The following ELF4 variants were observed in gnomAD, a reference collection of about 807,000 sequenced individuals.
ELF4 encodes the protein E74 like ETS transcription factor 4.
ELF4 carries 10 observed loss-of-function variants against 31.7 expected under a neutral mutation model. The observed-to-expected ratio is 0.32, with a 90% CI of 0.19 to 0.54. The LOEUF is 0.54. ELF4 is among the 20% of genes least tolerant of loss of function. The pLI, the probability that ELF4 is intolerant of heterozygous loss-of-function variation, is 0.95. For synonymous variants in ELF4, 208 were observed against 226.7 expected, an observed-to-expected ratio of 0.92 and a Z score of 0.74; for missense variants, 418 against 522.0, an observed-to-expected ratio of 0.80 and a Z score of 1.94.
At chrX:130,081,190 CCTGGCTGT>C in intron 2 of ELF4, 58 bp downstream of exon 2, 1 of 1,161,490 alleles carries the variant, frequency 8.6e-7, no homozygotes, top group East Asian at 3.0e-5. Flanking sequence ...TGGCTGTCTG[CCTGGCTGT>C]CTGTGTCTAT....
chrX:130,070,771 C>CAA (rs748643492), intron 7 of ELF4, among the ~76,000 whole-genome samples: 630 of 23,989 alleles, frequency 0.026, 18 homozygotes, highest in African/African-American at 0.044. Flanking sequence ...GACTCCATCT[C>CAA]AAAAAAAAAA....
chrX:130,086,076 A>G (rs189314500), intron 1 of ELF4, among the ~76,000 whole-genome samples: 1,199 of 111,960 alleles, frequency 0.011, 10 homozygotes, highest in South Asian at 0.025. Flanking sequence ...CTGGACTCCA[A>G]TGAGTGAGCT....
intron 1 of ELF4, among the ~76,000 whole-genome samples, chrX:130,104,318 A>ACC (rs35941457): frequency 3.8e-5 from 4 of 105,301 alleles, no homozygotes; most frequent in Non-Finnish European, 5.9e-5. Context: ...ACACACACAC[A>ACC]CCTTCTATTA....
chrX:130,097,169 G>A (rs979754720), intron 1 of ELF4, among the ~76,000 whole-genome samples: 8 of 106,812 alleles, frequency 7.5e-5, no homozygotes, highest in East Asian at 5.8e-4. Context: ...CGGGTGCGGC[G>A]GCTCACACCT....
At chrX:130,075,536 A>T (rs1239644067) in intron 2 of ELF4, among the ~76,000 whole-genome samples, 1 of 111,779 alleles carries the variant, frequency 8.9e-6, no homozygotes, top group Non-Finnish European at 1.9e-5. Flanking sequence ...TCGGCCTCCC[A>T]AAGTGCTGGG....
intron 1 of ELF4, among the ~76,000 whole-genome samples, chrX:130,089,509 CAA>C (rs777456574): frequency 5.1e-5 from 1 of 19,459 alleles, no homozygotes; most frequent in Non-Finnish European, 7.5e-5. Flanking sequence ...GACCTCAGCT[CAA>C]AAAAAAAAAA....
intron 2 of ELF4, among the ~76,000 whole-genome samples, chrX:130,078,868 A>G (rs1932861327): frequency 9.1e-6 from 1 of 109,348 alleles, no homozygotes; most frequent in African/African-American, 3.3e-5. Flanking sequence ...TGAAGTGGGA[A>G]GATCACCTGA....
intron 8 of ELF4, 144 bp from the exon 9 acceptor site, chrX:130,067,669 T>A: frequency 1.6e-6 from 1 of 639,259 alleles, no homozygotes; most frequent in Non-Finnish European, 2.5e-6. Flanking sequence ...AGAGACAGGG[T>A]CTCACTCTGC....
chrX:130,082,479 G>A (rs981320864), intron 1 of ELF4, among the ~76,000 whole-genome samples: 1 of 112,073 alleles, frequency 8.9e-6, no homozygotes, highest in African/African-American at 3.2e-5. Flanking sequence ...AGGGGCAGGC[G>A]GAACCTTCCC....
chrX:130,080,058 T>TCA (rs1932872758), intron 2 of ELF4, among the ~76,000 whole-genome samples: 1 of 111,901 alleles, frequency 8.9e-6, no homozygotes, highest in Non-Finnish European at 1.9e-5. Context: ...GCATCTGAGT[T>TCA]AGACTGGAAT....
Position 130,097,855 on chromosome X carries a change from C to T in ELF4, c.-210+12470G>A, listed in dbSNP as rs372873187. On this transcript the variant is annotated intron_variant, in intron 1 of 8. Transcript: ENST00000308167. ...CCTTGATGGCCACCAGCCTAGCCCCCGCTGGACAGGATGTTTCCACATCAA... is the reference window on the plus strand; with the variant it reads ...CCTTGATGGCCACCAGCCTAGCCCCTGCTGGACAGGATGTTTCCACATCAA... 4.4e-5 allele frequency among the ~76,000 whole-genome samples: 5 copies of T among 112,986 alleles called. No individual in the cohort carries two copies. In the East Asian group the frequency reaches 1.1e-3, roughly 25 times the overall value.
intron 1 of ELF4, among the ~76,000 whole-genome samples, chrX:130,099,027 G>A (rs1354157517): frequency 8.9e-6 from 1 of 112,643 alleles, no homozygotes; most frequent in Non-Finnish European, 1.9e-5. Flanking sequence ...ATACTTCCAA[G>A]AAATTTTAAC....
chrX:130,087,471 G>A (rs1275933802), intron 1 of ELF4, among the ~76,000 whole-genome samples: 1 of 112,531 alleles, frequency 8.9e-6, no homozygotes, highest in African/African-American at 3.2e-5. Context: ...CTGTTAGCCC[G>A]AAACGTGTTT....
Position 130,070,043 on chromosome X carries a change from A to C in ELF4, c.810-366T>G, listed in dbSNP as rs780786855. 5.3e-5 allele frequency among the ~76,000 whole-genome samples: 6 copies of C among 112,225 alleles called. No individual in the cohort carries two copies. In the South Asian group the frequency reaches 2.2e-3, roughly 41 times the overall value. ...TCCCCCAGCCTGAGAGACCACCTCT[A>C]GGACAACTCAAGCCCACCTCCCCGG... On this transcript the variant is annotated intron_variant, in intron 7 of 8. Transcript: ENST00000308167.
chrX:130,090,738 C>A (rs967606155), intron 1 of ELF4, among the ~76,000 whole-genome samples: 2 of 112,150 alleles, frequency 1.8e-5, no homozygotes, highest in African/African-American at 3.2e-5. Context: ...GGCCCATGAG[C>A]TAAGAATGGG....
Position 130,074,116 on chromosome X carries a change from G to A in ELF4, c.273C>T (p.Thr91=), listed in dbSNP as rs1290241729. The A allele has an allele frequency of 8.3e-7, 1 of 1,211,761 alleles. No homozygotes were observed. The highest frequency in any genetic ancestry group is 1.1e-6 in the Non-Finnish European group (1 of 895,512). The change falls in exon 4 of 9, where the codon ACC becomes ACT. Residue 91 remains threonine, a synonymous_variant. Coordinates refer to ENST00000308167, the MANE Select transcript of ELF4 (RefSeq NM_001421.4). ...LTDDNEATSH[T]MSTAEVLLNM... ...TGAGTAAGACTTCCGCGGTTGACAT[G>A]GTGTGCGAGGTGGCCTCATTGTCAT... is the stretch of plus-strand genomic sequence containing the variant.
intron 1 of ELF4, among the ~76,000 whole-genome samples, chrX:130,088,605 C>T (rs962024124): frequency 9.1e-6 from 1 of 109,320 alleles, no homozygotes; most frequent in Non-Finnish European, 1.9e-5. Context: ...CCCAGCTATT[C>T]GGGAGACTGA....
At position 130,081,250 on chromosome X, in the gene ELF4, C is replaced by T; in HGVS notation, c.75+6G>A. 8.3e-7 allele frequency: 1 copy of T among 1,211,547 alleles called. No individual in the cohort carries two copies. Among genetic ancestry groups the T allele is most frequent in the Non-Finnish European group, 1.1e-6 (1 of 895,131 alleles). On this transcript the variant is annotated splice_donor_region_variant and intron_variant, in intron 2 of 8. Coordinates refer to ENST00000308167, the MANE Select transcript of ELF4 (RefSeq NM_001421.4). The stretch of plus-strand genomic sequence containing the variant: ...GCTAACTGTGCTCTGTTCTCTGGGG[C>T]CATACCTGGTGGATATCATCATCCA...
At chrX:130,086,543 GGGA>G (rs1392444004) in intron 1 of ELF4, among the ~76,000 whole-genome samples, 1 of 111,914 alleles carries the variant, frequency 8.9e-6, no homozygotes, top group Non-Finnish European at 1.9e-5. Flanking sequence ...CCTAGGGCCG[GGGA>G]GGAGGAGGGA....
Sources: allele counts gnomAD v4.1 joint callset (sites outside exome capture counted in the v4.1 genomes callset), GRCh38; gene constraint gnomAD v4.1.1; transcripts MANE v1.5; gene names NCBI Gene and HGNC (gene_info 2026-07-23, HGNC 2026-07-21).